CLXN: variants seen among roughly 807,000 people sequenced by gnomAD.
CLXN encodes the protein EF-hand calcium binding domain 1.
the CLXN span, among the ~76,000 whole-genome samples, chr8:48,712,647 G>A: frequency 3.3e-5 from 5 of 152,152 alleles, no homozygotes; most frequent in African/African-American, 9.7e-5. Flanking sequence ...GCAGACGTGC[G>A]CCCAGCCTCA....
At chr8:48,719,120 A>C in the CLXN span, among the ~76,000 whole-genome samples, 1,965 of 152,204 alleles carry the variant, frequency 0.013, 42 homozygotes, top group African/African-American at 0.045. Context: ...TCAGAAATAA[A>C]AATGATCATA....
the CLXN span, among the ~76,000 whole-genome samples, chr8:48,717,020 C>G: frequency 6.6e-6 from 1 of 152,114 alleles, no homozygotes; most frequent in South Asian, 2.1e-4. Flanking sequence ...ACAAAATCAG[C>G]CAGGCATGGT....
At chr8:48,729,795 G>A in the CLXN span, 4 of 1,613,252 alleles carry the variant, frequency 2.5e-6, no homozygotes, top group Non-Finnish European at 3.4e-6. Context: ...GTTTGAGAAG[G>A]CTGTTCTTCA....
chr8:48,734,878 G>A, the CLXN span, among the ~76,000 whole-genome samples: 1 of 152,174 alleles, frequency 6.6e-6, no homozygotes, highest in Non-Finnish European at 1.5e-5. Context: ...GGTAGCACCA[G>A]AGGCGGAGGC....
chr8:48,721,441 G>T, the CLXN span, among the ~76,000 whole-genome samples: 1 of 152,040 alleles, frequency 6.6e-6, no homozygotes, highest in African/African-American at 2.4e-5. Flanking sequence ...ATTCTTCACA[G>T]AAATAGAAAA....
chr8:48,725,526 A>C, the CLXN span, among the ~76,000 whole-genome samples: 8 of 152,220 alleles, frequency 5.3e-5, no homozygotes, highest in South Asian at 1.5e-3. Flanking sequence ...AATGGGAGCC[A>C]GGCATGGTGG....
the CLXN span, chr8:48,724,493 G>A: frequency 2.9e-6 from 1 of 339,518 alleles, no homozygotes. Context: ...TCGACAGATA[G>A]TCTATGTGAT....
chr8:48,722,386 A>G, the CLXN span, among the ~76,000 whole-genome samples: 2 of 152,190 alleles, frequency 1.3e-5, no homozygotes. Flanking sequence ...TCACAAAATT[A>G]AAAGTGGGAC....
chr8:48,730,501 T>G, the CLXN span: 6 of 1,357,664 alleles, frequency 4.4e-6, no homozygotes, highest in South Asian at 6.3e-5. Context: ...GATATGTTAT[T>G]CATAATGTAC....
chr8:48,714,440 A>G, the CLXN span, among the ~76,000 whole-genome samples: 4 of 152,230 alleles, frequency 2.6e-5, no homozygotes, highest in Admixed American at 6.5e-5. Flanking sequence ...CTTACAGTCA[A>G]GTGCCACGAT....
At chr8:48,729,148 T>C in the CLXN span, 1 of 1,605,586 alleles carries the variant, frequency 6.2e-7, no homozygotes, top group Non-Finnish European at 8.5e-7. Context: ...GTCATGATCC[T>C]AGGGGAATGA....
At chr8:48,726,703 C>G in the CLXN span, among the ~76,000 whole-genome samples, 1 of 142,334 alleles carries the variant, frequency 7.0e-6, no homozygotes, top group African/African-American at 2.6e-5. Context: ...ATCCATCTAC[C>G]CACACACCTA....
chr8:48,721,758 T>A, the CLXN span, among the ~76,000 whole-genome samples: 1 of 152,270 alleles, frequency 6.6e-6, no homozygotes, highest in Non-Finnish European at 1.5e-5. Flanking sequence ...ATCAAAAGAA[T>A]GAAATTGGAC....
the CLXN span, chr8:48,730,478 T>C: frequency 6.1e-6 from 7 of 1,143,032 alleles, no homozygotes; most frequent in African/African-American, 1.6e-5. Flanking sequence ...AAGACACTGA[T>C]TTAAGTGCTT....
At chr8:48,716,247 G>C in the CLXN span, 2 of 153,252 alleles carry the variant, frequency 1.3e-5, no homozygotes, top group African/African-American at 2.4e-5. Context: ...GCCTGGGGCC[G>C]GCGGCACCCG....
At chr8:48,727,604 C>T in the CLXN span, among the ~76,000 whole-genome samples, 5 of 151,908 alleles carry the variant, frequency 3.3e-5, no homozygotes, top group Non-Finnish European at 7.4e-5. Flanking sequence ...GGCTGTGGCT[C>T]CAGCAGCAAG....
At chr8:48,714,201 G>A in the CLXN span, among the ~76,000 whole-genome samples, 1 of 152,190 alleles carries the variant, frequency 6.6e-6, no homozygotes, top group African/African-American at 2.4e-5. Flanking sequence ...CAAGAGGGGA[G>A]AGACAGCTCT....
the CLXN span, chr8:48,724,749 T>C: frequency 1.2e-6 from 2 of 1,610,646 alleles, no homozygotes; most frequent in East Asian, 2.2e-5. Flanking sequence ...TATTCACATA[T>C]CATTGAATTC....
chr8:48,713,924 G>C, the CLXN span: 1 of 152,162 alleles, frequency 6.6e-6, no homozygotes, highest in Admixed American at 6.5e-5. Flanking sequence ...TGCTGCTTGC[G>C]AGGTGATGTC....
Sources: gnomAD v4.1 joint callset for allele counts (sites outside exome capture counted in the v4.1 genomes callset) on GRCh38, gnomAD v4.1.1 for gene constraint, MANE v1.5 for transcripts, NCBI Gene and HGNC (gene_info 2026-07-23, HGNC 2026-07-21) for gene names.